Variants in FHOD3 observed in about 807,000 individuals in gnomAD.
The protein encoded by FHOD3 is FH1/FH2 domain-containing protein 3.
Under a neutral mutation model 173.0 loss-of-function variants are expected in FHOD3, and 90 were observed. The ratio of observed to expected loss-of-function variants is 0.52; its 90% CI spans 0.44 to 0.62. The LOEUF (loss-of-function observed/expected upper bound fraction) is 0.62. Ranked by LOEUF, FHOD3 falls within the 20% of genes least tolerant of loss-of-function variation. The pLI, the probability that FHOD3 is intolerant of heterozygous loss-of-function variation, is 0.00. For missense variants in FHOD3, 1,945 were observed against 2,034.7 expected, an observed-to-expected ratio of 0.96 and a Z score of 0.85; for synonymous variants, 828 against 823.0, an observed-to-expected ratio of 1.01 and a Z score of -0.10.
intron 4 of FHOD3, among the ~76,000 whole-genome samples, chr18:36,506,569 T>A (rs1343087910): frequency 6.6e-6 from 1 of 152,218 alleles, no homozygotes; most frequent in Non-Finnish European, 1.5e-5. Flanking sequence ...GAAGTGGATA[T>A]TGAAGTTTTT....
intron 3 of FHOD3, among the ~76,000 whole-genome samples, chr18:36,412,873 C>T (rs1027505702): frequency 6.6e-6 from 1 of 152,142 alleles, no homozygotes; most frequent in African/African-American, 2.4e-5. Context: ...GTTTCTGGGG[C>T]AAGGAGTGGT....
chr18:36,707,906 C>T (rs2039971213), intron 17 of FHOD3, among the ~76,000 whole-genome samples: 1 of 152,082 alleles, frequency 6.6e-6, no homozygotes. Flanking sequence ...AGTGCATTGC[C>T]AGGGTTCCAG....
intron 5 of FHOD3, among the ~76,000 whole-genome samples, chr18:36,575,480 A>G (rs759942585): frequency 1.3e-5 from 2 of 152,248 alleles, no homozygotes; most frequent in African/African-American, 2.4e-5. Flanking sequence ...AAATACATCA[A>G]TATTTTAAGA....
chr18:36,524,282 A>T (rs63272160), intron 5 of FHOD3, among the ~76,000 whole-genome samples: 3 of 51,812 alleles, frequency 5.8e-5, no homozygotes, highest in Admixed American at 4.2e-4. Context: ...GCTCTACCTC[A>T]AAAAAAAAAA....
chr18:36,330,426 C>T (rs1331254324), intron 1 of FHOD3, among the ~76,000 whole-genome samples: 1 of 152,218 alleles, frequency 6.6e-6, no homozygotes, highest in African/African-American at 2.4e-5. Context: ...AGAACCAGCT[C>T]AGCCATAATG....
At chr18:36,535,083 A>G (rs954699971) in intron 5 of FHOD3, among the ~76,000 whole-genome samples, 2 of 152,230 alleles carry the variant, frequency 1.3e-5, no homozygotes, top group Admixed American at 6.5e-5. Context: ...ACATTTTCAG[A>G]TTTAAAAATA....
intron 18 of FHOD3, among the ~76,000 whole-genome samples, chr18:36,711,663 CA>C (rs1415965520): frequency 6.6e-6 from 1 of 152,154 alleles, no homozygotes; most frequent in Non-Finnish European, 1.5e-5. Context: ...ACCAACATAG[CA>C]GCACCCTGAG....
At position 36,775,421 on chromosome 18, in the gene FHOD3, A is replaced by G. The variant is rs568565242; in HGVS notation, c.4787-4027A>G. Among the ~76,000 whole-genome samples the G allele has an allele frequency of 4.6e-5, 7 of 152,240 alleles. No individual in the cohort carries two copies. In the East Asian group the frequency reaches 1.4e-3, roughly 29 times the overall value. ...CAGGGCACAGCTGTTTCCAGTGTGG[A>G]CTGTGATCCAAAGTCGGCTCAAACC... On this transcript the variant is annotated intron_variant, in intron 28 of 28. Coordinates refer to ENST00000590592, the MANE Select transcript of FHOD3 (RefSeq NM_001281740.3).
intron 3 of FHOD3, among the ~76,000 whole-genome samples, chr18:36,425,340 A>G (rs1051065714): frequency 6.6e-6 from 1 of 152,228 alleles, no homozygotes; most frequent in Non-Finnish European, 1.5e-5. Flanking sequence ...TCCCATGGAT[A>G]AAGAGGGACC....
At chr18:36,393,973 G>C (rs577811173) in intron 3 of FHOD3, among the ~76,000 whole-genome samples, 1 of 152,042 alleles carries the variant, frequency 6.6e-6, no homozygotes, top group African/African-American at 2.4e-5. Context: ...AACTTAGAAG[G>C]GTTTATTTAA....
chr18:36,598,528 T>C (rs1317476291), intron 7 of FHOD3, among the ~76,000 whole-genome samples: 4 of 151,794 alleles, frequency 2.6e-5, no homozygotes, highest in Non-Finnish European at 5.9e-5. Flanking sequence ...GAGTGATCAG[T>C]GTTTATGAAG....
At chr18:36,652,000 G>A (rs905241204) in intron 11 of FHOD3, among the ~76,000 whole-genome samples, 84 of 152,226 alleles carry the variant, frequency 5.5e-4, no homozygotes, top group African/African-American at 2.0e-3. Flanking sequence ...TTTTTGTCCT[G>A]GCCCCTCTTT....
chr18:36,514,874 G>A (rs574281652), intron 5 of FHOD3, among the ~76,000 whole-genome samples: 3 of 152,334 alleles, frequency 2.0e-5, no homozygotes, highest in South Asian at 4.1e-4. Flanking sequence ...GTAGCTGCAC[G>A]GGAGGCTGGC....
intron 13 of FHOD3, among the ~76,000 whole-genome samples, chr18:36,653,769 A>T (rs528476322): frequency 7.5e-4 from 114 of 152,338 alleles, no homozygotes; most frequent in Non-Finnish European, 1.4e-3. Context: ...AAAAATCAAT[A>T]GTTGATCATT....
intron 10 of FHOD3, among the ~76,000 whole-genome samples, chr18:36,641,650 A>G (rs933528993): frequency 6.6e-6 from 1 of 152,108 alleles, no homozygotes; most frequent in African/African-American, 2.4e-5. Flanking sequence ...ATCTTTGCAC[A>G]TAAGTGCTCA....
intron 1 of FHOD3, among the ~76,000 whole-genome samples, chr18:36,316,379 G>T (rs59145988): frequency 0.032 from 4,856 of 152,216 alleles, 250 homozygotes; most frequent in African/African-American, 0.11. Context: ...CCTCTAGAGG[G>T]TCTACCACAT....
At chr18:36,567,159 C>T (rs2058294928) in intron 5 of FHOD3, among the ~76,000 whole-genome samples, 1 of 152,166 alleles carries the variant, frequency 6.6e-6, no homozygotes, top group African/African-American at 2.4e-5. Flanking sequence ...AAGTCAAAAT[C>T]CTTCAGTCCT....
chr18:36,344,659 A>G (rs538130891), intron 1 of FHOD3, among the ~76,000 whole-genome samples: 1 of 152,214 alleles, frequency 6.6e-6, no homozygotes, highest in African/African-American at 2.4e-5. Flanking sequence ...GGAAACTAGA[A>G]CATGCAGATT....
intron 5 of FHOD3, among the ~76,000 whole-genome samples, chr18:36,556,195 C>A (rs1017760376): frequency 6.6e-6 from 1 of 152,036 alleles, no homozygotes. Flanking sequence ...CCATTATCTT[C>A]ATGGTTGCTT....
Sources: gnomAD v4.1 joint callset for allele counts (sites outside exome capture counted in the v4.1 genomes callset) on GRCh38, gnomAD v4.1.1 for gene constraint, MANE v1.5 for transcripts, NCBI Gene and HGNC (gene_info 2026-07-23, HGNC 2026-07-21) for gene names.